ATP8A2: variants seen among roughly 807,000 people sequenced by gnomAD.
ATP8A2 encodes phospholipid-transporting ATPase IB.
In ATP8A2, 100 loss-of-function variants were observed where a neutral mutation model predicts 165.6. The observed-to-expected ratio is 0.60, with a 90% CI of 0.51 to 0.71. The LOEUF is 0.71. ATP8A2 is among the 30% of genes least tolerant of loss of function. The probability of loss-of-function intolerance (pLI) is 0.00; values close to 1 mark genes in which losing one functional copy is unlikely to be tolerated. For missense variants in ATP8A2, 1,227 were observed against 1,479.5 expected, an observed-to-expected ratio of 0.83 and a Z score of 2.80; for synonymous variants, 543 against 548.8, an observed-to-expected ratio of 0.99 and a Z score of 0.15.
chr13:25,918,622 G>A (rs1954338397), intron 33 of ATP8A2, among the ~76,000 whole-genome samples: 1 of 152,090 alleles, frequency 6.6e-6, no homozygotes, highest in African/African-American at 2.4e-5. Flanking sequence ...AAGATAATTT[G>A]TCCTAGTTTG....
chr13:25,402,198 G>A (rs766476641), intron 1 of ATP8A2, among the ~76,000 whole-genome samples: 20 of 152,260 alleles, frequency 1.3e-4, no homozygotes, highest in Admixed American at 2.6e-4. Context: ...AGGATGGTGC[G>A]AGATTTCATC....
chr13:25,879,683 G>C (rs535608416), intron 33 of ATP8A2, among the ~76,000 whole-genome samples: 1 of 152,328 alleles, frequency 6.6e-6, no homozygotes, highest in South Asian at 2.1e-4. Flanking sequence ...CTGTGCACCA[G>C]CTGTTTCCTT....
intron 1 of ATP8A2, among the ~76,000 whole-genome samples, chr13:25,447,883 A>G (rs2138223371): frequency 6.6e-6 from 1 of 152,252 alleles, no homozygotes; most frequent in Non-Finnish European, 1.5e-5. Flanking sequence ...GAGAGGGAGG[A>G]AGTCCTCTCA....
rs370215788 is a variant in ATP8A2, at chr13:25,902,583, AC to A, written c.3183+40176del. On this transcript the variant is annotated intron_variant, in intron 33 of 36. Coordinates refer to ENST00000381655, the MANE Select transcript of ATP8A2 (RefSeq NM_016529.6). ...ACAACATCAATTTAAAAAAAAAAAA[AC>A]AAAAAAGAATTCCCCAAGACTGTCC... Among the ~76,000 whole-genome samples, 215 of 148,938 alleles carry A rather than the reference AC, an allele frequency of 1.4e-3. 4 individuals carry two copies. In the East Asian group the frequency reaches 0.025, roughly 17 times the overall value.
At chr13:25,930,208 T>A (rs1306519939) in intron 33 of ATP8A2, among the ~76,000 whole-genome samples, 1 of 152,196 alleles carries the variant, frequency 6.6e-6, no homozygotes, top group African/African-American at 2.4e-5. Context: ...GCACCTGGAA[T>A]GATCTTTTAA....
Position 26,021,003 on chromosome 13 carries a change from C to T in ATP8A2, c.*1018C>T, listed in dbSNP as rs1957074271. The T allele has an allele frequency of 6.6e-6, 1 of 152,288 alleles. No homozygotes were observed. Among genetic ancestry groups the T allele is most frequent in the Non-Finnish European group, 1.5e-5 (1 of 68,094 alleles). 9.4% of individuals were successfully genotyped at this position (152,288 alleles called of 1,614,324 possible). A position where few individuals can be genotyped will look rare whatever the true frequency, so the allele number is the denominator to read the frequency against. On this transcript the variant is annotated 3_prime_UTR_variant, in exon 37 of 37. Coordinates refer to ENST00000381655, the MANE Select transcript of ATP8A2 (RefSeq NM_016529.6). Reference sequence around the variant, plus strand: ...CAGACTGCTGGGCCTTTGGCATCCACTTACATTAGAACCCACGTTTGTTTC... The same window carrying T: ...CAGACTGCTGGGCCTTTGGCATCCATTTACATTAGAACCCACGTTTGTTTC...
At chr13:25,435,941 G>GTGTGTGTGTGTGTA (rs2034755636) in intron 1 of ATP8A2, among the ~76,000 whole-genome samples, 1 of 92,822 alleles carries the variant, frequency 1.1e-5, no homozygotes, top group African/African-American at 3.2e-5. Flanking sequence ...GAGTGTGTGT[G>GTGTGTGTGTGTGTA]TGTGTGTGTG....
intron 2 of ATP8A2, among the ~76,000 whole-genome samples, chr13:25,525,179 C>T (rs575300254): frequency 3.0e-4 from 45 of 152,016 alleles, no homozygotes; most frequent in African/African-American, 1.0e-3. Flanking sequence ...ACTAAAAAAA[C>T]CTCTGTGTTT....
intron 2 of ATP8A2, among the ~76,000 whole-genome samples, chr13:25,495,772 C>A (rs1392603785): frequency 2.0e-5 from 3 of 151,782 alleles, no homozygotes; most frequent in Admixed American, 1.3e-4. Context: ...AGACCCCTGT[C>A]TGTTTTTATA....
chr13:25,574,947 C>A, intron 19 of ATP8A2, 90 bp downstream of exon 19: 1 of 664,902 alleles, frequency 1.5e-6, no homozygotes, highest in South Asian at 2.0e-5. Context: ...TGGTATGATT[C>A]AATATATTAC....
intron 24 of ATP8A2, among the ~76,000 whole-genome samples, chr13:25,676,276 A>C (rs1209789262): frequency 1.3e-5 from 2 of 152,170 alleles, no homozygotes; most frequent in Non-Finnish European, 2.9e-5. Context: ...TTTGGGGAAG[A>C]ATGAGCTAGA....
In ATP8A2 at chr13:25,821,074, T is replaced by G. The variant is rs192842583; in HGVS notation, c.2680-7044T>G. ...ATGTTGAGAATGAGCTTGTTTATGC[T>G]TCTCAAAAAGCTGCAGCACCTGCAA... On this transcript the variant is annotated intron_variant, in intron 27 of 36. Transcript: ENST00000381655. Among the ~76,000 whole-genome samples, 138 of 152,322 alleles carry G rather than the reference T, an allele frequency of 9.1e-4. 1 individual carries two copies. The highest frequency in any genetic ancestry group is 3.0e-3 in the African/African-American group (123 of 41,584).
Position 25,894,292 on chromosome 13 carries a change from TC to T in ATP8A2, c.3183+31886del, listed in dbSNP as rs1450862833. Among the ~76,000 whole-genome samples the T allele has an allele frequency of 3.3e-5, 5 of 152,350 alleles. No individual in the cohort carries two copies. The East Asian group carries it at 9.6e-4, about 29-fold the overall frequency. On this transcript the variant is annotated intron_variant, in intron 33 of 36. Coordinates refer to ENST00000381655, the MANE Select transcript of ATP8A2 (RefSeq NM_016529.6). ...CCAGCACCATTTATTAAATAGGGAA[TC>T]CTTTCCCCATTTCTTCTTTTTGTCA... is the stretch of plus-strand genomic sequence containing the variant.
intron 24 of ATP8A2, among the ~76,000 whole-genome samples, chr13:25,649,883 G>A (rs1223203442): frequency 2.0e-5 from 3 of 151,952 alleles, no homozygotes; most frequent in Admixed American, 2.0e-4. Flanking sequence ...CTCTAATCAG[G>A]TACCTTTGCT....
At chr13:25,931,137 G>A (rs906029861) in intron 33 of ATP8A2, among the ~76,000 whole-genome samples, 6 of 152,156 alleles carry the variant, frequency 3.9e-5, no homozygotes, top group African/African-American at 9.7e-5. Context: ...CTGACAGGAC[G>A]CCACGGGTGG....
At chr13:25,988,319 GC>G (rs1197027169) in intron 35 of ATP8A2, among the ~76,000 whole-genome samples, 1 of 152,192 alleles carries the variant, frequency 6.6e-6, no homozygotes, top group Non-Finnish European at 1.5e-5. Context: ...ATGGTGAAAG[GC>G]CCCCAACTCT....
intron 25 of ATP8A2, among the ~76,000 whole-genome samples, chr13:25,706,909 T>C (rs2043065048): frequency 6.6e-6 from 1 of 152,192 alleles, no homozygotes; most frequent in South Asian, 2.1e-4. Context: ...TGCTATTGTT[T>C]GAATGATTAC....
intron 33 of ATP8A2, among the ~76,000 whole-genome samples, chr13:25,869,357 G>A (rs1423381986): frequency 2.0e-5 from 3 of 152,116 alleles, no homozygotes; most frequent in Non-Finnish European, 4.4e-5. Flanking sequence ...TTCTACAGGC[G>A]GTGATGGGAA....
At chr13:25,523,425 A>G (rs1242686731) in intron 2 of ATP8A2, among the ~76,000 whole-genome samples, 1 of 151,876 alleles carries the variant, frequency 6.6e-6, no homozygotes, top group Non-Finnish European at 1.5e-5. Flanking sequence ...GGCACACACC[A>G]CCTTGCCTGG....
Sources: allele counts gnomAD v4.1 joint callset (sites outside exome capture counted in the v4.1 genomes callset), GRCh38; gene constraint gnomAD v4.1.1; transcripts MANE v1.5; gene names NCBI Gene and HGNC (gene_info 2026-07-23, HGNC 2026-07-21).